ELMO1: variants seen among roughly 807,000 people sequenced by gnomAD.
ELMO1 encodes engulfment and cell motility 1.
A neutral mutation model predicts 98.9 loss-of-function variants in ELMO1; 26 were observed. The ratio of observed to expected loss-of-function variants is 0.26; its 90% CI spans 0.19 to 0.36. ELMO1 has a LOEUF of 0.36. ELMO1 is among the 10% of genes least tolerant of loss of function. ELMO1 has a pLI of 1.00. For missense variants in ELMO1, 627 were observed against 935.2 expected (o/e 0.67, Z 4.30); for synonymous variants, 346 against 346.0 (o/e 1.00, Z 0.00).
chr7:37,337,774 G>A (rs1179162112), intron 2 of ELMO1, among the ~76,000 whole-genome samples: 1 of 152,194 alleles, frequency 6.6e-6, no homozygotes, highest in Admixed American at 6.5e-5. Context: ...CAAGGCCTGA[G>A]GGGGCAGGGC....
At chr7:37,101,748 A>T (rs867757288) in intron 14 of ELMO1, among the ~76,000 whole-genome samples, 9 of 151,796 alleles carry the variant, frequency 5.9e-5, no homozygotes, top group Non-Finnish European at 1.2e-4. Context: ...TTATTCTCTT[A>T]AGGGGGATAA....
At chr7:37,237,504 G>A (rs1300673528) in intron 7 of ELMO1, among the ~76,000 whole-genome samples, 1 of 152,084 alleles carries the variant, frequency 6.6e-6, no homozygotes, top group Non-Finnish European at 1.5e-5. Context: ...TAGCCAGGCT[G>A]GCCTCAAACT....
At chr7:37,008,505 A>G (rs1200386352) in intron 16 of ELMO1, among the ~76,000 whole-genome samples, 1 of 152,164 alleles carries the variant, frequency 6.6e-6, no homozygotes, top group East Asian at 1.9e-4. Context: ...ACATAGCCAA[A>G]AAATGTCTGT....
chr7:36,937,281 A>T (rs949922184), intron 16 of ELMO1, among the ~76,000 whole-genome samples: 1 of 152,232 alleles, frequency 6.6e-6, no homozygotes, highest in Admixed American at 6.5e-5. Context: ...TTATAAGAAG[A>T]TGGCAATATG....
At chr7:37,363,606 C>T (rs988616315) in intron 1 of ELMO1, among the ~76,000 whole-genome samples, 2 of 152,192 alleles carry the variant, frequency 1.3e-5, no homozygotes, top group Non-Finnish European at 2.9e-5. Flanking sequence ...TGTAGTCTCT[C>T]TTCCTCTCCA....
intron 17 of ELMO1, among the ~76,000 whole-genome samples, chr7:36,889,530 G>C (rs1406307196): frequency 6.6e-6 from 1 of 152,202 alleles, no homozygotes; most frequent in Non-Finnish European, 1.5e-5. Flanking sequence ...GAAAATCTGG[G>C]AGAAAGAGTT....
chr7:36,963,435 C>A (rs2129123319), intron 16 of ELMO1, among the ~76,000 whole-genome samples: 1 of 151,882 alleles, frequency 6.6e-6, no homozygotes, highest in South Asian at 2.1e-4. Flanking sequence ...CTTTGAACTG[C>A]ATGTCTTGAT....
intron 5 of ELMO1, among the ~76,000 whole-genome samples, chr7:37,264,067 G>T (rs945344480): frequency 1.6e-4 from 25 of 152,184 alleles, no homozygotes; most frequent in African/African-American, 5.8e-4. Context: ...AACTTTTAGA[G>T]AATGTAAAAT....
chr7:36,916,834 A>G (rs1234479511), intron 16 of ELMO1, among the ~76,000 whole-genome samples: 1 of 152,216 alleles, frequency 6.6e-6, no homozygotes, highest in Non-Finnish European at 1.5e-5. Context: ...TCAGCCTCAC[A>G]TTTTCCTAGG....
chr7:37,086,425 A>G (rs1000752378), intron 15 of ELMO1, among the ~76,000 whole-genome samples: 3 of 151,708 alleles, frequency 2.0e-5, no homozygotes, highest in Middle Eastern at 3.2e-3. Context: ...AAATGTTGGC[A>G]TAACTATAGA....
chr7:36,916,111 A>G (rs1784671030), intron 16 of ELMO1, among the ~76,000 whole-genome samples: 1 of 152,202 alleles, frequency 6.6e-6, no homozygotes, highest in African/African-American at 2.4e-5. Flanking sequence ...GATTCAGTGG[A>G]AGGCGGCACC....
At chr7:37,343,128 G>A (rs77731098) in intron 1 of ELMO1, 6,715 of 160,610 alleles carry the variant, frequency 0.042, 203 homozygotes, top group Middle Eastern at 0.073. Flanking sequence ...GCATATAAAC[G>A]TCTGGCACTC....
chr7:37,138,218 C>A (rs1259805259), intron 13 of ELMO1, among the ~76,000 whole-genome samples: 1 of 149,220 alleles, frequency 6.7e-6, no homozygotes, highest in African/African-American at 2.5e-5. Context: ...CAGAGCAGAA[C>A]TAAATGAAAT....
chr7:36,993,168 G>T (rs1199642425), intron 16 of ELMO1, among the ~76,000 whole-genome samples: 1 of 152,152 alleles, frequency 6.6e-6, no homozygotes, highest in African/African-American at 2.4e-5. Context: ...AAGCAGAGAA[G>T]CTTAAAGGGG....
chr7:37,092,418 G>C (rs965981653), intron 15 of ELMO1, among the ~76,000 whole-genome samples: 1 of 121,166 alleles, frequency 8.3e-6, no homozygotes, highest in Non-Finnish European at 1.6e-5. Flanking sequence ...TCGCTCTGTC[G>C]CCCAGGCTGG....
At chr7:36,962,217 T>C (rs1789007966) in intron 16 of ELMO1, among the ~76,000 whole-genome samples, 1 of 152,172 alleles carries the variant, frequency 6.6e-6, no homozygotes, top group South Asian at 2.1e-4. Flanking sequence ...CCAAGCTGCT[T>C]GAACTGAAAT....
chr7:36,893,298 A>G (rs1162192645), intron 17 of ELMO1, among the ~76,000 whole-genome samples: 1 of 152,196 alleles, frequency 6.6e-6, no homozygotes, highest in Non-Finnish European at 1.5e-5. Context: ...GAGAAACTGC[A>G]TCTCTGAGGA....
intron 15 of ELMO1, among the ~76,000 whole-genome samples, chr7:37,019,351 C>A (rs1794138739): frequency 6.6e-6 from 1 of 152,188 alleles, no homozygotes; most frequent in Admixed American, 6.5e-5. Context: ...TGGTTCTTGA[C>A]AGGTAACAAA....
At chr7:36,875,640 C>T (rs1201196828) in intron 19 of ELMO1, among the ~76,000 whole-genome samples, 1 of 152,168 alleles carries the variant, frequency 6.6e-6, no homozygotes, top group Non-Finnish European at 1.5e-5. Context: ...AGATTTGCAG[C>T]TCTGGCCTTG....
Sources: allele counts gnomAD v4.1 joint callset (sites outside exome capture counted in the v4.1 genomes callset), GRCh38; gene constraint gnomAD v4.1.1; transcripts MANE v1.5; gene names NCBI Gene and HGNC (gene_info 2026-07-23, HGNC 2026-07-21).